Variants in MAL observed in about 807,000 individuals in gnomAD.
MAL encodes the protein mal, T cell differentiation protein (MAL blood group).
A neutral mutation model predicts 16.7 loss-of-function variants in MAL; 5 were observed. That is an observed-to-expected ratio of 0.30 (90% CI 0.16 to 0.63). The LOEUF is 0.63. Ranked by LOEUF, MAL falls within the 30% of genes least tolerant of loss-of-function variation. The probability of loss-of-function intolerance (pLI) is 0.82; values close to 1 mark genes in which losing one functional copy is unlikely to be tolerated. For missense variants in MAL, 202 were observed against 195.8 expected (o/e 1.03, Z -0.19); for synonymous variants, 96 against 85.5 (o/e 1.12, Z -0.67).
chr2:95,034,754 T>C (rs1395748031), intron 1 of MAL, among the ~76,000 whole-genome samples: 1 of 152,136 alleles, frequency 6.6e-6, no homozygotes, highest in Non-Finnish European at 1.5e-5. Flanking sequence ...TCTCCATCTG[T>C]GGTCAGGTTG....
chr2:95,026,513 G>A (rs1673942637), intron 1 of MAL: 1 of 134,758 alleles, frequency 7.4e-6, no homozygotes, highest in Admixed American at 7.4e-5. Flanking sequence ...ATGGGGGGTG[G>A]GGGGTGGGGG....
chr2:95,047,894 C>T (rs192893161), intron 1 of MAL, 65 bp from the exon 2 acceptor site: 16,499 of 1,523,564 alleles, frequency 0.011, 112 homozygotes, highest in Non-Finnish European at 0.014. Flanking sequence ...GACCGCTGGT[C>T]GGGGGCCCTT....
At position 95,052,731 on chromosome 2, in the gene MAL, G is replaced by A. The variant is rs1438563661; in HGVS notation, c.388-650G>A. Among the ~76,000 whole-genome samples the A allele has an allele frequency of 5.3e-5, 8 of 152,124 alleles. 1 individual carries two copies. The South Asian group carries it at 1.0e-3, about 20-fold the overall frequency. ...CAAGTCCCCAGAAAGCAGGGCCATC[G>A]CTCCAAGGGCCACAGTGGCTGACTG... On this transcript the variant is annotated intron_variant, in intron 3 of 3. Coordinates refer to ENST00000309988, the MANE Select transcript of MAL (RefSeq NM_002371.4).
At chr2:95,030,376 T>G (rs1674048334) in intron 1 of MAL, among the ~76,000 whole-genome samples, 1 of 152,136 alleles carries the variant, frequency 6.6e-6, no homozygotes, top group Non-Finnish European at 1.5e-5. Context: ...GGGCTTTGCT[T>G]CTCGTCTGCT....
At chr2:95,038,227 A>T (rs527328465) in intron 1 of MAL, among the ~76,000 whole-genome samples, 1 of 65,686 alleles carries the variant, frequency 1.5e-5, no homozygotes, top group Non-Finnish European at 2.8e-5. Flanking sequence ...TGAGTGAGTG[A>T]CTGAGTGACT....
intron 3 of MAL, among the ~76,000 whole-genome samples, chr2:95,052,596 T>C (rs748522255): frequency 6.6e-6 from 1 of 152,124 alleles, no homozygotes; most frequent in Admixed American, 6.5e-5. Context: ...AGCTGGAAAC[T>C]CTTGACCCCT....
rs528523862 is a variant in MAL, at chr2:95,045,615, C to A, written c.94-2344C>A. Reference sequence around the variant, plus strand: ...TGAGACTGTGTGAACGAGGAAGCAACTTAAATTGGTCCTCCTGGGAGGGTC... The same window carrying A: ...TGAGACTGTGTGAACGAGGAAGCAAATTAAATTGGTCCTCCTGGGAGGGTC... On this transcript the variant is annotated intron_variant, in intron 1 of 3. Coordinates refer to ENST00000309988, the MANE Select transcript of MAL (RefSeq NM_002371.4). 3.9e-4 allele frequency among the ~76,000 whole-genome samples: 59 copies of A among 152,306 alleles called. 1 individual carries two copies. The highest frequency in any genetic ancestry group is 4.1e-4 in the South Asian group (2 of 4,830).
intron 1 of MAL, among the ~76,000 whole-genome samples, chr2:95,036,821 G>C (rs1674221648): frequency 6.6e-6 from 1 of 151,966 alleles, no homozygotes; most frequent in African/African-American, 2.4e-5. Context: ...GAGTGACTTA[G>C]TGACTGAGTG....
chr2:95,037,801 T>G (rs1674280560), intron 1 of MAL, among the ~76,000 whole-genome samples: 1 of 149,380 alleles, frequency 6.7e-6, no homozygotes, highest in Non-Finnish European at 1.5e-5. Context: ...TGTGAGTGAC[T>G]AAGTGAGTGA....
chr2:95,052,296 C>T (rs1674736988), intron 3 of MAL, among the ~76,000 whole-genome samples: 1 of 152,190 alleles, frequency 6.6e-6, no homozygotes, highest in Admixed American at 6.5e-5. Context: ...AAATGAGTCT[C>T]CACTGCTCTT....
chr2:95,053,278 T>C (rs1647340167), intron 3 of MAL, 103 bp from the exon 4 acceptor site: 1 of 799,298 alleles, frequency 1.3e-6, no homozygotes, highest in Admixed American at 1.9e-5. Context: ...CCAAGCTCTC[T>C]GGGTCTGGCC....
chr2:95,053,826 TA>T lies in MAL; in HGVS notation c.*372del, dbSNP rs1353123526. 4.2e-6 allele frequency: 1 copy of T among 237,572 alleles called. No individual in the cohort carries two copies. The highest frequency in any genetic ancestry group is 4.9e-5 in the Admixed American group (1 of 20,208). The allele number at this position is 237,572 out of a possible 1,614,324, so 14.7% of individuals were successfully genotyped here. A position where few individuals can be genotyped will look rare whatever the true frequency, so the allele number is the denominator to read the frequency against. On this transcript the variant is annotated 3_prime_UTR_variant, in exon 4 of 4. Transcript: ENST00000309988. ...GCAGCTCTCGAGAACTACCTGTTGG[TA>T]TTGTCCACAAGCTCTCCCGAGCGCC...
chr2:95,039,018 C>T (rs879843075), intron 1 of MAL, among the ~76,000 whole-genome samples: 2 of 42,066 alleles, frequency 4.8e-5, no homozygotes, highest in East Asian at 1.4e-3. Flanking sequence ...GTGGGTGAGT[C>T]AGTGACTGAG....
In MAL at chr2:95,053,574, C is replaced by A; in HGVS notation, c.*119C>A. On this transcript the variant is annotated 3_prime_UTR_variant, in exon 4 of 4. Coordinates refer to ENST00000309988, the MANE Select transcript of MAL (RefSeq NM_002371.4). Reference sequence around the variant, plus strand: ...TGGTGGAAAAAAGAAAACAACCACCCCCCCACTGCCCAAAAAAAAAAGCCC... The same window carrying A: ...TGGTGGAAAAAAGAAAACAACCACCACCCCACTGCCCAAAAAAAAAAGCCC... The A allele has an allele frequency of 2.7e-6, 2 of 742,174 alleles. No individual in the cohort carries two copies. Among genetic ancestry groups the A allele is most frequent in the South Asian group, 1.7e-5 (1 of 57,576 alleles). The allele number at this position is 742,174 out of a possible 1,614,324, so 46.0% of individuals were successfully genotyped here. A position where few individuals can be genotyped will look rare whatever the true frequency, so the allele number is the denominator to read the frequency against.
intron 1 of MAL, among the ~76,000 whole-genome samples, chr2:95,035,021 C>A (rs758869941): frequency 2.0e-5 from 3 of 152,206 alleles, no homozygotes; most frequent in Non-Finnish European, 4.4e-5. Context: ...TCTCACCTAC[C>A]TAACACTGAT....
At chr2:95,041,174 T>C (rs990655052) in intron 1 of MAL, among the ~76,000 whole-genome samples, 1 of 152,150 alleles carries the variant, frequency 6.6e-6, no homozygotes, top group African/African-American at 2.4e-5. Flanking sequence ...GATGAAGAGT[T>C]CTTTCAGCCA....
intron 3 of MAL, among the ~76,000 whole-genome samples, chr2:95,052,698 G>C (rs1245145385): frequency 6.6e-6 from 1 of 152,180 alleles, no homozygotes; most frequent in African/African-American, 2.4e-5. Context: ...GTGCCCAGGA[G>C]GACACAGCAA....
chr2:95,047,895 G>C, intron 1 of MAL, 64 bp from the exon 2 acceptor site: 2 of 1,526,918 alleles, frequency 1.3e-6, no homozygotes, highest in Non-Finnish European at 1.8e-6. Flanking sequence ...ACCGCTGGTC[G>C]GGGGCCCTTC....
In MAL at chr2:95,032,640, T is replaced by C. The variant is rs553174456; in HGVS notation, c.93+6755T>C. Among the ~76,000 whole-genome samples the C allele has an allele frequency of 4.6e-5, 7 of 152,280 alleles. No individual in the cohort carries two copies. The South Asian group carries it at 1.0e-3, about 23-fold the overall frequency. On this transcript the variant is annotated intron_variant, in intron 1 of 3. Transcript: ENST00000309988. The stretch of plus-strand genomic sequence containing the variant: ...TGTGGCCAGCTCCTTCTCACAGCTT[T>C]CAGATTGTTCCCAAGGGCATGGAGC...
Sources: allele counts gnomAD v4.1 joint callset (sites outside exome capture counted in the v4.1 genomes callset), GRCh38; gene constraint gnomAD v4.1.1; transcripts MANE v1.5; gene names NCBI Gene and HGNC (gene_info 2026-07-23, HGNC 2026-07-21).